The following TPST1 variants were observed in gnomAD, a reference collection of about 807,000 sequenced individuals.
TPST1 encodes the protein tyrosylprotein sulfotransferase 1.
A neutral mutation model predicts 34.8 loss-of-function variants in TPST1; 20 were observed. The ratio of observed to expected loss-of-function variants is 0.57; its 90% CI spans 0.40 to 0.84. The LOEUF (loss-of-function observed/expected upper bound fraction) is 0.84. Among genes scored for constraint, TPST1 ranks in the 40% least tolerant of loss-of-function variants. TPST1 has a pLI of 0.00. For synonymous variants in TPST1, 152 were observed against 159.4 expected, an observed-to-expected ratio of 0.95 and a Z score of 0.35; for missense variants, 353 against 455.5, an observed-to-expected ratio of 0.78 and a Z score of 2.05.
chr7:66,307,278 C>T (rs952568743), intron 3 of TPST1, among the ~76,000 whole-genome samples: 2 of 151,914 alleles, frequency 1.3e-5, no homozygotes, highest in South Asian at 2.1e-4. Flanking sequence ...CCACCACGCC[C>T]GGCTAGTTTT....
At chr7:66,311,423 G>A (rs961922975) in intron 3 of TPST1, among the ~76,000 whole-genome samples, 1 of 152,190 alleles carries the variant, frequency 6.6e-6, no homozygotes, top group Non-Finnish European at 1.5e-5. Context: ...ACAGGAGTGA[G>A]CCACTGTGCC....
At position 66,299,112 on chromosome 7, in the gene TPST1, C is replaced by T. The variant is rs181974821; in HGVS notation, c.1044+12403C>T. 7.4e-3 allele frequency among the ~76,000 whole-genome samples: 1,005 copies of T among 136,092 alleles called. 6 individuals carry two copies. The highest frequency in any genetic ancestry group is 0.014 in the Middle Eastern group (4 of 280). 89.3% of individuals were successfully genotyped at this position (136,092 alleles called of 152,430 possible). A position where few individuals can be genotyped will look rare whatever the true frequency, so the allele number is the denominator to read the frequency against. On this transcript the variant is annotated intron_variant, in intron 3 of 5. Transcript: ENST00000304842. Reference sequence around the variant, plus strand: ...CTGCACTCCAGCCTGGGCAACAGAGCGAGACACCGTCTCAAAAAAAAAAAA... The same window carrying T: ...CTGCACTCCAGCCTGGGCAACAGAGTGAGACACCGTCTCAAAAAAAAAAAA...
At chr7:66,353,681 T>C (rs1036597944) in intron 4 of TPST1, among the ~76,000 whole-genome samples, 1 of 152,228 alleles carries the variant, frequency 6.6e-6, no homozygotes, top group Non-Finnish European at 1.5e-5. Flanking sequence ...TGCAGCCGAC[T>C]TCCCTTTCCA....
At chr7:66,352,682 A>G (rs1792506271) in intron 4 of TPST1, 127 bp downstream of exon 4, 1 of 1,517,264 alleles carries the variant, frequency 6.6e-7, no homozygotes, top group Non-Finnish European at 8.7e-7. Context: ...AAGAAAAGGG[A>G]TAGTGATATG....
At chr7:66,232,240 T>G (rs1247793897) in intron 1 of TPST1, among the ~76,000 whole-genome samples, 1 of 148,434 alleles carries the variant, frequency 6.7e-6, no homozygotes, top group African/African-American at 2.5e-5. Flanking sequence ...GGACTCACTC[T>G]GTTGCCCAGG....
chr7:66,233,455 G>T (rs1251728002), intron 1 of TPST1, among the ~76,000 whole-genome samples: 1 of 152,098 alleles, frequency 6.6e-6, no homozygotes, highest in Admixed American at 6.5e-5. Context: ...TTGCTGAGAA[G>T]ACTCTTATTT....
At chr7:66,228,031 A>T (rs939440854) in intron 1 of TPST1, among the ~76,000 whole-genome samples, 20 of 152,306 alleles carry the variant, frequency 1.3e-4, no homozygotes, top group Middle Eastern at 3.4e-3. Flanking sequence ...ATCTACAAGT[A>T]TGTTTTTGGA....
intron 2 of TPST1, among the ~76,000 whole-genome samples, chr7:66,258,203 T>G (rs1191432921): frequency 6.6e-6 from 1 of 152,216 alleles, no homozygotes; most frequent in Non-Finnish European, 1.5e-5. Flanking sequence ...CCCTCAATTT[T>G]GGATCACATT....
In TPST1 at chr7:66,328,906, A is replaced by ATATATTTTT. The variant is rs1299138303; in HGVS notation, c.1045-23598_1045-23597insATATTTTTT. Among the ~76,000 whole-genome samples the ATATATTTTT allele has an allele frequency of 6.1e-4, 8 of 13,158 alleles. 1 individual carries two copies. Among genetic ancestry groups the ATATATTTTT allele is most frequent in the East Asian group, 1.7e-3 (1 of 600 alleles). 8.6% of individuals were successfully genotyped at this position (13,158 alleles called of 152,430 possible). A position where few individuals can be genotyped will look rare whatever the true frequency, so the allele number is the denominator to read the frequency against. On this transcript the variant is annotated intron_variant, in intron 3 of 5. Coordinates refer to ENST00000304842, the MANE Select transcript of TPST1 (RefSeq NM_003596.4). Reference sequence around the variant, plus strand: ...TCTCTCTATATATATATATATATATATTTTTTTTTTTTTTTTTTTTTTTGA... The same window carrying ATATATTTTT: ...TCTCTCTATATATATATATATATATATATATTTTTTTTTTTTTTTTTTTTTTTTTTTTGA...
chr7:66,217,902 T>C (rs1417626927), intron 1 of TPST1, among the ~76,000 whole-genome samples: 1 of 150,082 alleles, frequency 6.7e-6, no homozygotes, highest in Non-Finnish European at 1.5e-5. Flanking sequence ...TTTTTTGAGA[T>C]GGAGTCTGAC....
At chr7:66,228,188 AT>A (rs1789703816) in intron 1 of TPST1, among the ~76,000 whole-genome samples, 1 of 152,158 alleles carries the variant, frequency 6.6e-6, no homozygotes, top group South Asian at 2.1e-4. Flanking sequence ...ATCAGAAACT[AT>A]TGGTTGCTTC....
At chr7:66,347,059 CTTTTTT>C (rs71051352) in intron 3 of TPST1, among the ~76,000 whole-genome samples, 360 of 59,974 alleles carry the variant, frequency 6.0e-3, no homozygotes, top group African/African-American at 0.022. Flanking sequence ...CTTTGCTTTT[CTTTTTT>C]TTTTTTTTTT....
At chr7:66,296,247 T>TTTCCCC (rs1554349789) in intron 3 of TPST1, among the ~76,000 whole-genome samples, 1 of 40,062 alleles carries the variant, frequency 2.5e-5, no homozygotes, top group African/African-American at 1.3e-4. Flanking sequence ...CACCCACCCT[T>TTTCCCC]CCCCCCCCCC....
chr7:66,235,707 G>A (rs13235222), intron 1 of TPST1, among the ~76,000 whole-genome samples: 1 of 152,176 alleles, frequency 6.6e-6, no homozygotes, highest in African/African-American at 2.4e-5. Flanking sequence ...GCCTCAGGAA[G>A]TCCTGATGAC....
At chr7:66,303,271 A>G (rs1392096459) in intron 3 of TPST1, among the ~76,000 whole-genome samples, 2 of 152,132 alleles carry the variant, frequency 1.3e-5, no homozygotes, top group Non-Finnish European at 2.9e-5. Flanking sequence ...GTCTGAAAAA[A>G]AAAAGACTAT....
intron 1 of TPST1, among the ~76,000 whole-genome samples, chr7:66,206,649 C>T (rs1451142087): frequency 2.0e-5 from 3 of 152,218 alleles, no homozygotes; most frequent in Non-Finnish European, 4.4e-5. Flanking sequence ...AATTACTCCC[C>T]ATCCCCTCTC....
chr7:66,199,899 G>C, the TPST1 span, among the ~76,000 whole-genome samples: 1 of 151,588 alleles, frequency 6.6e-6, no homozygotes, highest in Non-Finnish European at 1.5e-5. Context: ...TTTTTAGAGA[G>C]GAGGTTTCAC....
chr7:66,300,374 T>G (rs1289691499), intron 3 of TPST1, among the ~76,000 whole-genome samples: 1 of 152,224 alleles, frequency 6.6e-6, no homozygotes, highest in Non-Finnish European at 1.5e-5. Flanking sequence ...AACCACATCT[T>G]CAGGCTCACT....
At chr7:66,254,918 C>T (rs1314659270) in intron 2 of TPST1, among the ~76,000 whole-genome samples, 5 of 151,938 alleles carry the variant, frequency 3.3e-5, no homozygotes, top group Non-Finnish European at 1.5e-5. Flanking sequence ...GAGGCCAAGG[C>T]GGGTGGATCA....
Sources: gnomAD v4.1 joint callset for allele counts (sites outside exome capture counted in the v4.1 genomes callset) on GRCh38, gnomAD v4.1.1 for gene constraint, MANE v1.5 for transcripts, NCBI Gene and HGNC (gene_info 2026-07-23, HGNC 2026-07-21) for gene names.